The following INSR variants were observed in gnomAD, a reference collection of about 807,000 sequenced individuals.
INSR encodes insulin receptor, also known as IR.
INSR carries 67 observed loss-of-function variants against 142.6 expected under a neutral mutation model. The ratio of observed to expected loss-of-function variants is 0.47; its 90% CI spans 0.39 to 0.58. The LOEUF is 0.58. Ranked by LOEUF, INSR falls within the 20% of genes least tolerant of loss-of-function variation. The probability of loss-of-function intolerance (pLI) is 0.00; values close to 1 mark genes in which losing one functional copy is unlikely to be tolerated. For synonymous variants in INSR, 756 were observed against 743.1 expected, an observed-to-expected ratio of 1.02 and a Z score of -0.28; for missense variants, 1,248 against 1,833.2, an observed-to-expected ratio of 0.68 and a Z score of 5.83.
rs199580495 is a variant in INSR at position 7,125,443 on chromosome 19, G to A, written c.3098C>T (p.Ser1033Phe). Residue 1033 changes from serine to phenylalanine, a missense_variant, in exon 17 of 22, where the codon TCC becomes TTC. By Grantham distance (155) the Ser-to-Phe change is radical (BLOSUM62 -2). Coordinates refer to ENST00000302850, the MANE Select transcript of INSR (RefSeq NM_000208.4). The surrounding 1 kb of genome is among the most constrained non-coding windows in gnomAD (Gnocchi z 4.9). The stretch of plus-strand genomic sequence containing the variant: ...ATTGCCCTCATACACCATGCCGAAG[G>A]AGCCCTGCCCCAGCTCTCGAAGGAG... ...ITLLRELGQG[S>F]FGMVYEGNAR... 10 of 1,614,118 alleles carry A rather than the reference G, an allele frequency of 6.2e-6. No homozygotes were observed. The highest frequency in any genetic ancestry group is 1.3e-5 in the African/African-American group (1 of 75,038).
chr19:7,216,289 A>G lies in INSR; in HGVS notation c.653-31652T>C, dbSNP rs1333971338. On this transcript the variant is annotated intron_variant, in intron 2 of 21. Coordinates refer to ENST00000302850, the MANE Select transcript of INSR (RefSeq NM_000208.4). The surrounding 1 kb of genome is among the most constrained non-coding windows in gnomAD (Gnocchi z 4.2). ...CAGTGAGCTGAGATCGTGCCATTGC[A>G]CTCCAGCCTGGGCAAGAGAGCAAGA... Among the ~76,000 whole-genome samples the G allele has an allele frequency of 6.6e-6, 1 of 152,172 alleles. No individual in the cohort carries two copies. Among genetic ancestry groups the G allele is most frequent in the East Asian group, 1.9e-4 (1 of 5,190 alleles).
Position 7,118,636 on chromosome 19 carries a change from G to A in INSR, c.3794+813C>T, listed in dbSNP as rs148712335. Among the ~76,000 whole-genome samples the A allele has an allele frequency of 7.2e-5, 11 of 151,828 alleles. No individual in the cohort carries two copies. In the East Asian group the frequency reaches 2.1e-3, roughly 30 times the overall value. ...GCCCAGCTACCTGACAAAATTTTAAGTGTATAAAGAATTAACAGGCGGCTG... is the reference window on the plus strand; with the variant it reads ...GCCCAGCTACCTGACAAAATTTTAAATGTATAAAGAATTAACAGGCGGCTG... On this transcript the variant is annotated intron_variant, in intron 21 of 21. Coordinates refer to ENST00000302850, the MANE Select transcript of INSR (RefSeq NM_000208.4).
At chr19:7,191,332 A>C in intron 2 of INSR, among the ~76,000 whole-genome samples, 1 of 85,614 alleles carries the variant, frequency 1.2e-5, no homozygotes, top group African/African-American at 4.2e-5. Flanking sequence ...AAAAAGAAAG[A>C]AAGAAAGAAA....
At chr19:7,290,953 C>A (rs1968476851) in intron 1 of INSR, among the ~76,000 whole-genome samples, 1 of 151,818 alleles carries the variant, frequency 6.6e-6, no homozygotes, top group African/African-American at 2.4e-5. Context: ...GCCTGTAATC[C>A]CAGCTACTGG....
intron 3 of INSR, among the ~76,000 whole-genome samples, chr19:7,182,239 G>A (rs1974292962): frequency 6.6e-6 from 1 of 152,096 alleles, no homozygotes; most frequent in Admixed American, 6.6e-5. Context: ...AGAGGCTAAG[G>A]CAGGAGAATC....
intron 10 of INSR, chr19:7,152,401 G>T: frequency 2.8e-6 from 1 of 353,448 alleles, no homozygotes; most frequent in Non-Finnish European, 5.4e-6. Context: ...AAAAGAGAGA[G>T]AGAGAAAAAA....
In INSR at chr19:7,294,244, G is replaced by A. The variant is rs1257079552; in HGVS notation, c.-353C>T. 6.6e-6 allele frequency among the ~76,000 whole-genome samples: 1 copy of A among 151,064 alleles called. No individual in the cohort carries two copies. Among genetic ancestry groups the A allele is most frequent in the Non-Finnish European group, 1.5e-5 (1 of 67,550 alleles). On this transcript the variant is annotated 5_prime_UTR_variant, in exon 1 of 22. Coordinates refer to ENST00000302850, the MANE Select transcript of INSR (RefSeq NM_000208.4). ...CCGCGCGCTCTGGGTCGCGATCTGCGGGCTCCGGGACAGAGGGACGCGCGG... is the reference window on the plus strand; with the variant it reads ...CCGCGCGCTCTGGGTCGCGATCTGCAGGCTCCGGGACAGAGGGACGCGCGG...
rs1470577076 is a variant in INSR, at chr19:7,116,127, T to TTA, written c.*928_*929insTA. The TTA allele has an allele frequency of 6.7e-6, 1 of 148,162 alleles. No homozygotes were observed. The highest frequency in any genetic ancestry group is 2.5e-5 in the African/African-American group (1 of 40,422). 9.2% of individuals were successfully genotyped at this position (148,162 alleles called of 1,614,324 possible). On this transcript the variant is annotated 3_prime_UTR_variant, in exon 22 of 22. Coordinates refer to ENST00000302850, the MANE Select transcript of INSR (RefSeq NM_000208.4). Reference sequence around the variant, plus strand: ...CATTTTGTTTTTTCTTTCTTTTTCTTTTTTTTTTTTTAATGTCCTAGCTTG... The same window carrying TTA: ...CATTTTGTTTTTTCTTTCTTTTTCTTTATTTTTTTTTTTAATGTCCTAGCTTG...
At chr19:7,154,003 A>G (rs904607669) in intron 9 of INSR, among the ~76,000 whole-genome samples, 6 of 152,042 alleles carry the variant, frequency 3.9e-5, no homozygotes, top group Non-Finnish European at 8.8e-5. Flanking sequence ...TTTACTAAAA[A>G]TACAAAAATT....
intron 2 of INSR, among the ~76,000 whole-genome samples, chr19:7,255,921 C>T (rs910984223): frequency 1.2e-4 from 19 of 152,048 alleles, no homozygotes; most frequent in Admixed American, 1.2e-3. Context: ...AACCAAAGCA[C>T]ATCTCTGCCA....
At chr19:7,146,996 A>T (rs993279875) in intron 11 of INSR, among the ~76,000 whole-genome samples, 2 of 152,108 alleles carry the variant, frequency 1.3e-5, no homozygotes, top group Non-Finnish European at 2.9e-5. Flanking sequence ...TTTATAGTTT[A>T]AAGTTTATTT....
chr19:7,190,250 A>C (rs1372673239), intron 2 of INSR, among the ~76,000 whole-genome samples: 1 of 152,164 alleles, frequency 6.6e-6, no homozygotes, highest in African/African-American at 2.4e-5. Flanking sequence ...TGGGACATTA[A>C]GCAGCCTCAC....
intron 2 of INSR, among the ~76,000 whole-genome samples, chr19:7,247,437 T>G (rs979652133): frequency 6.6e-6 from 1 of 151,548 alleles, no homozygotes; most frequent in African/African-American, 2.4e-5. Context: ...GTACCTATAA[T>G]AGCCTCTTTG....
At chr19:7,128,252 G>A (rs901280532) in intron 15 of INSR, among the ~76,000 whole-genome samples, 2 of 147,736 alleles carry the variant, frequency 1.4e-5, no homozygotes, top group African/African-American at 2.5e-5. Context: ...TCCCTCTGTC[G>A]CCCAGGCTAG....
In INSR at chr19:7,116,544, GA is replaced by G. The variant is rs886054679; in HGVS notation, c.*511del. 224 of 136,428 alleles carry G rather than the reference GA, an allele frequency of 1.6e-3. No individual in the cohort carries two copies. The highest frequency in any genetic ancestry group is 4.2e-3 in the African/African-American group (157 of 37,196). The allele number at this position is 136,428 out of a possible 1,614,324, so 8.5% of individuals were successfully genotyped here. A position where few individuals can be genotyped will look rare whatever the true frequency, so the allele number is the denominator to read the frequency against. Reference sequence around the variant, plus strand: ...AAAAAATCCTTCAGCCTGGATGAGAGAAAAAAAAAAAACCAAAAAAACCATC... The same window carrying G: ...AAAAAATCCTTCAGCCTGGATGAGAGAAAAAAAAAAACCAAAAAAACCATC... On this transcript the variant is annotated 3_prime_UTR_variant, in exon 22 of 22. Coordinates refer to ENST00000302850, the MANE Select transcript of INSR (RefSeq NM_000208.4).
At position 7,174,634 on chromosome 19, in the gene INSR, G is replaced by C. The variant is rs768988952; in HGVS notation, c.1072C>G (p.Arg358Gly). ...CTCCCGTTGATGACGGTGCATCCTC[G>C]GAGCTCCTGGGCAGACGTCACCGAG... ...IDSVTSAQEL[R>G]GCTVINGSLI... Residue 358 changes from arginine (R) to glycine (G), a missense_variant, in exon 4 of 22, where the codon CGA becomes GGA. Arg to Gly is a moderately radical substitution (Grantham distance 125). Transcript: ENST00000302850. The C allele has an allele frequency of 1.2e-6, 2 of 1,613,964 alleles. No homozygotes were observed. Among genetic ancestry groups the C allele is most frequent in the Non-Finnish European group, 1.7e-6 (2 of 1,179,978 alleles).
chr19:7,174,672 T>C lies in INSR; in HGVS notation c.1034A>G (p.Glu345Gly), dbSNP rs1974096091. The change falls in exon 4 of 22, where the codon GAG becomes GGG. Residue 345 changes from glutamate to glycine, a missense_variant. This residue lies in a region of INSR where 1,069 missense variants were observed against 1,654.0 expected (regional missense o/e 0.65). Transcript: ENST00000302850. ...AGACGTCACCGAGTCGATGGTCTTC[T>C]CGCCTTCTAGGAGGTGGCACACCTT... The part of the protein sequence containing the change: ...CPKVCHLLEG[E>G]KTIDSVTSAQ... 2 of 1,613,686 alleles carry C rather than the reference T, an allele frequency of 1.2e-6. No individual in the cohort carries two copies. Among genetic ancestry groups the C allele is most frequent in the African/African-American group, 2.7e-5 (2 of 74,830 alleles).
chr19:7,224,538 G>T (rs1048071727), intron 2 of INSR, among the ~76,000 whole-genome samples: 1 of 152,144 alleles, frequency 6.6e-6, no homozygotes. Flanking sequence ...AAGCCCAGGC[G>T]ACTTGCCGAC....
intron 3 of INSR, among the ~76,000 whole-genome samples, chr19:7,183,299 T>TGTGTGTGTGTGTG (rs1555746461): frequency 3.4e-5 from 5 of 147,948 alleles, no homozygotes; most frequent in South Asian, 2.2e-4. Flanking sequence ...TGTGTGTGTG[T>TGTGTGTGTGTGTG]TTTAAAACAA....
Sources: gnomAD v4.1 joint callset for allele counts (sites outside exome capture counted in the v4.1 genomes callset) on GRCh38, gnomAD v4.1.1 for gene constraint, gnomAD v4.1.1 regional missense constraint, Gnocchi (gnomAD v3.1) non-coding constraint, MANE v1.5 for transcripts, NCBI Gene and HGNC (gene_info 2026-07-23, HGNC 2026-07-21) for gene names.